The following SH3D19 variants were observed in gnomAD, a reference collection of about 807,000 sequenced individuals.
SH3D19 encodes SH3 domain containing 19.
SH3D19 carries 58 observed loss-of-function variants against 112.1 expected under a neutral mutation model. The observed-to-expected ratio is 0.52, with a 90% confidence interval of 0.42 to 0.64. The LOEUF (loss-of-function observed/expected upper bound fraction) is 0.64. Among genes scored for constraint, SH3D19 ranks in the 30% least tolerant of loss-of-function variants. The pLI is 0.00. For missense variants in SH3D19, 1,090 were observed against 1,263.4 expected (o/e 0.86, Z 2.08); for synonymous variants, 391 against 448.5 (o/e 0.87, Z 1.62).
At chr4:151,272,572 C>T (rs1460771249) in intron 1 of SH3D19, among the ~76,000 whole-genome samples, 2 of 152,186 alleles carry the variant, frequency 1.3e-5, no homozygotes, top group African/African-American at 4.8e-5. Context: ...GTGTCATAAT[C>T]TAGAGCAGTC....
intron 3 of SH3D19, among the ~76,000 whole-genome samples, chr4:151,180,620 A>T (rs1007845714): frequency 6.6e-6 from 1 of 151,174 alleles, no homozygotes; most frequent in African/African-American, 2.4e-5. Context: ...GTTAGCCAGG[A>T]TGGTCTCGAT....
rs139358639 is a variant in SH3D19, at chr4:151,325,310, G to A, written c.43C>T (p.Arg15Cys). Residue 15 changes from arginine to cysteine, a missense_variant, in exon 1 of 20, where the codon CGC (arginine) becomes TGC (cysteine). Transcript: ENST00000604030. ...RRREDEEEEL[R>C]ERRELGGQRR... Reference sequence around the variant, plus strand: ...TGGCCACCAAGTTCGCGGCGCTCGCGTAGCTCTTCCTCCTCGTCCTCCCGC... The same window carrying A: ...TGGCCACCAAGTTCGCGGCGCTCGCATAGCTCTTCCTCCTCGTCCTCCCGC... The A allele has an allele frequency of 5.1e-4, 625 of 1,219,282 alleles. 2 individuals carry two copies. In the African/African-American group the frequency reaches 8.7e-3, roughly 17 times the overall value. 75.5% of individuals were successfully genotyped at this position (1,219,282 alleles called of 1,614,324 possible). A position where few individuals can be genotyped will look rare whatever the true frequency, so the allele number is the denominator to read the frequency against.
chr4:151,252,807 C>T (rs1771518534), intron 1 of SH3D19, among the ~76,000 whole-genome samples: 1 of 152,218 alleles, frequency 6.6e-6, no homozygotes, highest in Non-Finnish European at 1.5e-5. Flanking sequence ...TTTCAGTAAA[C>T]AGTACTTCCA....
chr4:151,233,703 T>C (rs1238033987), intron 1 of SH3D19, among the ~76,000 whole-genome samples: 1 of 152,184 alleles, frequency 6.6e-6, no homozygotes, highest in Non-Finnish European at 1.5e-5. Flanking sequence ...GGGATTACGA[T>C]GTGGACATCT....
intron 12 of SH3D19, chr4:151,140,065 A>C: frequency 2.1e-6 from 1 of 478,834 alleles, no homozygotes; most frequent in Non-Finnish European, 3.7e-6. Context: ...TCTCAATTAA[A>C]ATATCCCCCA....
At chr4:151,247,541 T>C (rs1771030641) in intron 1 of SH3D19, among the ~76,000 whole-genome samples, 1 of 152,226 alleles carries the variant, frequency 6.6e-6, no homozygotes, top group Admixed American at 6.5e-5. Flanking sequence ...ATTTACCTGC[T>C]TGAAATGTAC....
At position 151,148,177 on chromosome 4, in the gene SH3D19, ATTCACAG is replaced by A; in HGVS notation, c.1820_1826del (p.Pro607LeufsTer92). On this transcript the variant is annotated frameshift_variant and splice_region_variant, in exon 11 of 20. Coordinates refer to ENST00000604030, the MANE Select transcript of SH3D19 (RefSeq NM_001378122.1). LOFTEE classifies it high-confidence loss of function. ...GCTGTTGAGTTGGAATGGTTTTTCC[ATTCACAG>A]GTCTGAAAGTCAATGTAGTAGCCAT... is the stretch of plus-strand genomic sequence containing the variant. 1 of 1,601,848 alleles carries A rather than the reference ATTCACAG, an allele frequency of 6.2e-7. No homozygotes were observed. Among genetic ancestry groups the A allele is most frequent in the Non-Finnish European group, 8.5e-7 (1 of 1,175,984 alleles).
rs1006201120 is a variant in SH3D19, at chr4:151,263,818, T to C, written c.113-37732A>G. Among the ~76,000 whole-genome samples, 3 of 138,690 alleles carry C rather than the reference T, an allele frequency of 2.2e-5. No individual in the cohort carries two copies. In the Admixed American group the frequency reaches 2.2e-4, roughly 10 times the overall value. The allele number at this position is 138,690 out of a possible 152,430, so 91.0% of individuals were successfully genotyped here. A position where few individuals can be genotyped will look rare whatever the true frequency, so the allele number is the denominator to read the frequency against. On this transcript the variant is annotated intron_variant, in intron 1 of 19. Transcript: ENST00000604030. ...GTTGTTGTTGTTGTTGTTGTTGTTG[T>C]TGTTTTGGACAAAGTCTCACTCTGC...
At chr4:151,227,852 A>G (rs1769245230) in intron 1 of SH3D19, 2 of 985,430 alleles carry the variant, frequency 2.0e-6, no homozygotes, top group Non-Finnish European at 2.4e-6. Flanking sequence ...TGTAATAGCA[A>G]ATTTCCCCAC....
intron 2 of SH3D19, among the ~76,000 whole-genome samples, chr4:151,200,184 C>T (rs938990): frequency 0.83 from 126,649 of 152,094 alleles, 54,369 homozygotes; most frequent in Non-Finnish European, 0.95. Flanking sequence ...ACCTGGTCTA[C>T]AGTATTTTGT....
intron 1 of SH3D19, among the ~76,000 whole-genome samples, chr4:151,250,082 A>AT (rs1400659849): frequency 6.6e-6 from 1 of 152,206 alleles, no homozygotes; most frequent in Admixed American, 6.5e-5. Context: ...TCTTTGGAGG[A>AT]TAATGTGGCA....
chr4:151,150,228 TACAC>T (rs1227863765), intron 9 of SH3D19, among the ~76,000 whole-genome samples: 2 of 47,298 alleles, frequency 4.2e-5, no homozygotes, highest in Admixed American at 3.0e-4. Context: ...TATATATATA[TACAC>T]ACACACATAT....
At chr4:151,138,913 T>C (rs1046682790) in intron 13 of SH3D19, among the ~76,000 whole-genome samples, 15 of 152,122 alleles carry the variant, frequency 9.9e-5, no homozygotes, top group African/African-American at 3.4e-4. Flanking sequence ...TTGCAACCTC[T>C]GCCTCCCAGG....
rs377708450 is a variant in SH3D19 at position 151,128,355 on chromosome 4, A to G, written c.2744T>C (p.Val915Ala). Reference sequence around the variant, plus strand: ...ACACCATTCTGCCGGAAGACTGTTAACCTGTTATCAAATTAGAGGTGTGGT... The same window carrying G: ...ACACCATTCTGCCGGAAGACTGTTAGCCTGTTATCAAATTAGAGGTGTGGT... ...KKEDSGSNSQVNSLPAEWCEA... is the reference protein window; with the variant it reads ...KKEDSGSNSQANSLPAEWCEA... The change falls in exon 18 of 20, where the codon GTT becomes GCT. Residue 915 changes from valine (V) to alanine (A), a missense_variant and splice_region_variant. Coordinates refer to ENST00000604030, the MANE Select transcript of SH3D19 (RefSeq NM_001378122.1). The G allele has an allele frequency of 1.2e-5, 20 of 1,612,294 alleles. 1 individual carries two copies.
At chr4:151,289,351 C>A (rs973276980) in intron 1 of SH3D19, among the ~76,000 whole-genome samples, 1 of 152,246 alleles carries the variant, frequency 6.6e-6, no homozygotes, top group Admixed American at 6.5e-5. Flanking sequence ...TTATCAAAAG[C>A]ATAAGCAGCA....
At chr4:151,288,607 C>A (rs1775041996) in intron 1 of SH3D19, among the ~76,000 whole-genome samples, 1 of 150,870 alleles carries the variant, frequency 6.6e-6, no homozygotes, top group Non-Finnish European at 1.5e-5. Flanking sequence ...ACTTGCTGGG[C>A]GTAGTGAGCT....
At chr4:151,299,540 A>G (rs1010028539) in intron 1 of SH3D19, among the ~76,000 whole-genome samples, 4 of 140,302 alleles carry the variant, frequency 2.9e-5, no homozygotes, top group Admixed American at 8.3e-5. Context: ...AGATTGCGCC[A>G]CTGCACTCCA....
At chr4:151,133,385 A>G in intron 15 of SH3D19, 149 bp from the exon 16 acceptor site, 1 of 699,716 alleles carries the variant, frequency 1.4e-6, no homozygotes, top group South Asian at 1.9e-5. Context: ...CATGAAAAAG[A>G]GTAAGTTACA....
At chr4:151,264,835 C>A (rs922922760) in intron 1 of SH3D19, among the ~76,000 whole-genome samples, 1 of 151,930 alleles carries the variant, frequency 6.6e-6, no homozygotes, top group Non-Finnish European at 1.5e-5. Context: ...AACATGGGAT[C>A]TGATGCTGAC....
Sources: allele counts gnomAD v4.1 joint callset (sites outside exome capture counted in the v4.1 genomes callset), GRCh38; gene constraint gnomAD v4.1.1; transcripts MANE v1.5; gene names NCBI Gene and HGNC (gene_info 2026-07-23, HGNC 2026-07-21).